Variants in PCDH10 observed in about 807,000 individuals in gnomAD.
PCDH10 encodes protocadherin-10.
In PCDH10, 15 loss-of-function variants were observed where a neutral mutation model predicts 74.4. The ratio of observed to expected loss-of-function variants is 0.20; its 90% confidence interval spans 0.13 to 0.31. The LOEUF (loss-of-function observed/expected upper bound fraction) is 0.31. PCDH10 is among the 10% of genes least tolerant of loss of function. The pLI is 1.00. For synonymous variants in PCDH10, 619 were observed against 589.8 expected, an observed-to-expected ratio of 1.05 and a Z score of -0.72; for missense variants, 1,260 against 1,390.2, an observed-to-expected ratio of 0.91 and a Z score of 1.49.
At chr4:133,154,235 T>C in intron 1 of PCDH10, 72 bp from the exon 2 acceptor site, 1 of 926,674 alleles carries the variant, frequency 1.1e-6, no homozygotes, top group South Asian at 1.5e-5. Context: ...ATATAGTTCC[T>C]AACCTCAAAA....
At chr4:133,159,537 G>T (rs1726924095) in intron 3 of PCDH10, among the ~76,000 whole-genome samples, 1 of 152,022 alleles carries the variant, frequency 6.6e-6, no homozygotes, top group South Asian at 2.1e-4. Flanking sequence ...GACTCTGAAA[G>T]GTGGGAAGAC....
At chr4:133,197,194 G>A (rs1398352871), downstream of PCDH10, among the ~76,000 whole-genome samples, 1 of 152,072 alleles carries the variant, frequency 6.6e-6, no homozygotes, top group African/African-American at 2.4e-5. Context: ...GTGTATGTTT[G>A]CACTAGGACA....
chr4:133,158,091 A>C (rs980049633), intron 3 of PCDH10, among the ~76,000 whole-genome samples: 1 of 152,148 alleles, frequency 6.6e-6, no homozygotes, highest in Non-Finnish European at 1.5e-5. Flanking sequence ...GAAGTGGCAA[A>C]TGCAGACATA....
chr4:133,163,428 A>G (rs1727016941), intron 4 of PCDH10, 146 bp downstream of exon 4: 2 of 627,646 alleles, frequency 3.2e-6, no homozygotes, highest in Admixed American at 3.1e-5. Context: ...CTTTAGGGCA[A>G]TATTCTTTAT....
downstream of PCDH10, among the ~76,000 whole-genome samples, chr4:133,196,734 G>A (rs949532507): frequency 1.4e-4 from 22 of 152,190 alleles, no homozygotes; most frequent in Non-Finnish European, 1.5e-5. Flanking sequence ...CTTGGCCTAT[G>A]CCCAGGAGTG....
At position 133,193,689 on chromosome 4, in the gene PCDH10, G is replaced by T. The variant is rs1224077235; in HGVS notation, c.*3529G>T. The T allele has an allele frequency of 6.6e-6, 1 of 151,586 alleles. No homozygotes were observed. 9.4% of individuals were successfully genotyped at this position (151,586 alleles called of 1,614,324 possible). On this transcript the variant is annotated 3_prime_UTR_variant, in exon 5 of 5. Coordinates refer to ENST00000264360, the MANE Select transcript of PCDH10 (RefSeq NM_032961.3). Reference sequence around the variant, plus strand: ...AGCACTGTTATTTGTCATTGCATGTGTTTTTCCCCCTCATGTTTCTATGTG... The same window carrying T: ...AGCACTGTTATTTGTCATTGCATGTTTTTTTCCCCCTCATGTTTCTATGTG...
At position 133,192,666 on chromosome 4, in the gene PCDH10, C is replaced by T. The variant is rs930933436; in HGVS notation, c.*2506C>T. On this transcript the variant is annotated 3_prime_UTR_variant, in exon 5 of 5. Transcript: ENST00000264360. ...ACAAAACCAAAACCAGAACTTCTTC[C>T]TAATTTGCGGGACAAATAGAATTGT... 4 of 151,388 alleles carry T rather than the reference C, an allele frequency of 2.6e-5. No individual in the cohort carries two copies. Among genetic ancestry groups the T allele is most frequent in the Admixed American group, 6.6e-5 (1 of 15,152 alleles). 9.4% of individuals were successfully genotyped at this position (151,388 alleles called of 1,614,324 possible). A position where few individuals can be genotyped will look rare whatever the true frequency, so the allele number is the denominator to read the frequency against.
chr4:133,154,256 A>G, intron 1 of PCDH10, 51 bp from the exon 2 acceptor site: 1 of 1,118,902 alleles, frequency 8.9e-7, no homozygotes, highest in South Asian at 1.3e-5. Context: ...GTAGACTGCT[A>G]GTTCAACCCA....
At position 133,194,113 on chromosome 4, in the gene PCDH10, G is replaced by T. The variant is rs1326180762; in HGVS notation, c.*3953G>T. On this transcript the variant is annotated 3_prime_UTR_variant, in exon 5 of 5. Coordinates refer to ENST00000264360, the MANE Select transcript of PCDH10 (RefSeq NM_032961.3). Reference sequence around the variant, plus strand: ...GAATGCAGGTAGATGGGTGCCGCCAGAGTATTGCAGGCAATAATACGACTA... The same window carrying T: ...GAATGCAGGTAGATGGGTGCCGCCATAGTATTGCAGGCAATAATACGACTA... 6.6e-6 allele frequency: 1 copy of T among 151,820 alleles called. No homozygotes were observed. The highest frequency in any genetic ancestry group is 1.5e-5 in the Non-Finnish European group (1 of 67,758). 9.4% of individuals were successfully genotyped at this position (151,820 alleles called of 1,614,324 possible).
intron 4 of PCDH10, among the ~76,000 whole-genome samples, chr4:133,187,771 G>A (rs988507884): frequency 1.3e-5 from 2 of 152,002 alleles, no homozygotes; most frequent in African/African-American, 4.8e-5. Flanking sequence ...AAGCTTCTGT[G>A]TTCTTAAAAC....
At position 133,191,407 on chromosome 4, in the gene PCDH10, A is replaced by T. The variant is rs1727665680; in HGVS notation, c.*1247A>T. ...AGCTCTAAATTTAAAATAAATTTAG[A>T]GATAGAATCATGGTACATTATTGTT... On this transcript the variant is annotated 3_prime_UTR_variant, in exon 5 of 5. Coordinates refer to ENST00000264360, the MANE Select transcript of PCDH10 (RefSeq NM_032961.3). The T allele has an allele frequency of 6.6e-6, 1 of 152,236 alleles. No homozygotes were observed. The highest frequency in any genetic ancestry group is 1.9e-4 in the East Asian group (1 of 5,186). The allele number at this position is 152,236 out of a possible 1,614,324, so 9.4% of individuals were successfully genotyped here.
intron 2 of PCDH10, among the ~76,000 whole-genome samples, chr4:133,207,366 T>C (rs1256557353): frequency 6.6e-6 from 1 of 152,204 alleles, no homozygotes; most frequent in African/African-American, 2.4e-5. Flanking sequence ...GTCAATTTAA[T>C]TACACTGTGC....
chr4:133,161,717 T>C (rs956604408), intron 3 of PCDH10, among the ~76,000 whole-genome samples: 2 of 151,684 alleles, frequency 1.3e-5, no homozygotes, highest in African/African-American at 4.8e-5. Flanking sequence ...CTTTTAAAAT[T>C]TTTTTATTAT....
Position 133,156,711 on chromosome 4 carries a change from C to T in PCDH10, c.2797+1688C>T, listed in dbSNP as rs927021450. 3.9e-5 allele frequency among the ~76,000 whole-genome samples: 6 copies of T among 152,326 alleles called. No individual in the cohort carries two copies. The South Asian group carries it at 6.2e-4, about 16-fold the overall frequency. On this transcript the variant is annotated intron_variant, in intron 3 of 4. Transcript: ENST00000264360. ...CATTTTACTCCTTTCCCACCCCACA[C>T]GCCCCGCTTTGTTTTTCCTGTAGCA...
chr4:133,160,362 G>C (rs780571919), intron 3 of PCDH10, among the ~76,000 whole-genome samples: 1 of 151,160 alleles, frequency 6.6e-6, no homozygotes, highest in Non-Finnish European at 1.5e-5. Context: ...TGCCTCTGTA[G>C]AGTGATACTG....
At chr4:133,153,328 A>T in intron 1 of PCDH10, 4 of 938,172 alleles carry the variant, frequency 4.3e-6, no homozygotes, top group Non-Finnish European at 3.9e-6. Flanking sequence ...GTTGCAAAAA[A>T]AGCCTTCAGT....
rs1257580126 is a variant in PCDH10, at chr4:133,154,385, C to T, written c.2690+20C>T. On this transcript the variant is annotated intron_variant, in intron 2 of 4. Coordinates refer to ENST00000264360, the MANE Select transcript of PCDH10 (RefSeq NM_032961.3). ...TAACAGGTATGGACTCTTTTTTTCC[C>T]TAGCAGTAATGGACAATTTACAACC... 6.6e-7 allele frequency: 1 copy of T among 1,521,704 alleles called. No homozygotes were observed. Among genetic ancestry groups the T allele is most frequent in the South Asian group, 1.2e-5 (1 of 83,778 alleles). The allele number at this position is 1,521,704 out of a possible 1,614,324, so 94.3% of individuals were successfully genotyped here. A position where few individuals can be genotyped will look rare whatever the true frequency, so the allele number is the denominator to read the frequency against.
downstream of PCDH10, among the ~76,000 whole-genome samples, chr4:133,199,422 A>G (rs1727858924): frequency 6.6e-6 from 1 of 151,350 alleles, no homozygotes; most frequent in South Asian, 2.1e-4. Context: ...GTAAGGAACA[A>G]ATGAACACAA....
intron 4 of PCDH10, among the ~76,000 whole-genome samples, chr4:133,172,330 A>G (rs1371686962): frequency 6.6e-6 from 1 of 152,030 alleles, no homozygotes; most frequent in Non-Finnish European, 1.5e-5. Context: ...TATTATTTAA[A>G]TTTCCATAAT....
Sources: allele counts gnomAD v4.1 joint callset (sites outside exome capture counted in the v4.1 genomes callset), GRCh38; gene constraint gnomAD v4.1.1; transcripts MANE v1.5; gene names NCBI Gene and HGNC (gene_info 2026-07-23, HGNC 2026-07-21).